The following PARD3B variants were observed in gnomAD, a reference collection of about 807,000 sequenced individuals.
PARD3B encodes par-3 family cell polarity regulator beta.
In PARD3B, 103 loss-of-function variants were observed where a neutral mutation model predicts 130.2. The ratio of observed to expected loss-of-function variants is 0.79; its 90% CI spans 0.67 to 0.93. The LOEUF is 0.93. Ranked by LOEUF, PARD3B falls within the 40% of genes least tolerant of loss-of-function variation. The pLI, the probability that PARD3B is intolerant of heterozygous loss-of-function variation, is 0.00. For missense variants in PARD3B, 1,609 were observed against 1,499.2 expected (o/e 1.07, Z -1.21); for synonymous variants, 583 against 553.2 (o/e 1.05, Z -0.76).
chr2:204,977,642 C>T (rs1469279888), intron 3 of PARD3B, among the ~76,000 whole-genome samples: 3 of 151,604 alleles, frequency 2.0e-5, no homozygotes, highest in Middle Eastern at 3.4e-3. Flanking sequence ...ACCCCGTCTC[C>T]GCTAAAAATA....
At chr2:204,560,919 G>A (rs1249663487) in intron 1 of PARD3B, among the ~76,000 whole-genome samples, 5 of 152,066 alleles carry the variant, frequency 3.3e-5, no homozygotes, top group African/African-American at 1.2e-4. Flanking sequence ...AGGGGGCAAA[G>A]TAATTAGGCT....
At chr2:204,602,588 C>A (rs1275223161) in intron 1 of PARD3B, among the ~76,000 whole-genome samples, 1 of 151,828 alleles carries the variant, frequency 6.6e-6, no homozygotes, top group African/African-American at 2.4e-5. Flanking sequence ...GGCCCGTTAC[C>A]TTTTTCCATT....
At chr2:204,594,672 A>G (rs1405305891) in intron 1 of PARD3B, among the ~76,000 whole-genome samples, 4 of 152,208 alleles carry the variant, frequency 2.6e-5, no homozygotes, top group South Asian at 4.1e-4. Flanking sequence ...TCCTGTGACT[A>G]TGCTTCTGAA....
chr2:204,630,706 A>G (rs897439501), intron 1 of PARD3B, among the ~76,000 whole-genome samples: 1 of 152,022 alleles, frequency 6.6e-6, no homozygotes, highest in African/African-American at 2.4e-5. Context: ...TAATATCTTA[A>G]TGTGTTAGAC....
At chr2:204,941,836 G>A (rs1688929011) in intron 2 of PARD3B, among the ~76,000 whole-genome samples, 1 of 69,430 alleles carries the variant, frequency 1.4e-5, no homozygotes, top group Admixed American at 2.3e-4. Context: ...CATTCTGAGT[G>A]TGTGTGTATA....
In PARD3B at chr2:205,125,837, C is replaced by A. The variant is rs2031325798; in HGVS notation, c.1434+100C>A. The A allele has an allele frequency of 2.1e-6, 3 of 1,449,572 alleles. No individual in the cohort carries two copies. In the Admixed American group the frequency reaches 6.4e-5, roughly 31 times the overall value. 89.8% of individuals were successfully genotyped at this position (1,449,572 alleles called of 1,614,324 possible). On this transcript the variant is annotated intron_variant, in intron 10 of 22. Transcript: ENST00000406610. The surrounding 1 kb of genome is among the most constrained non-coding windows in gnomAD (Gnocchi z 4.0). Reference sequence around the variant, plus strand: ...GAAACGAGTTCTAAATCACAGGCTTCATTCATAACCAAAATTGAATCACAC... The same window carrying A: ...GAAACGAGTTCTAAATCACAGGCTTAATTCATAACCAAAATTGAATCACAC...
chr2:204,613,577 A>G (rs1331019882), intron 1 of PARD3B, among the ~76,000 whole-genome samples: 1 of 150,858 alleles, frequency 6.6e-6, no homozygotes, highest in Non-Finnish European at 1.5e-5. Context: ...CACTCTTCTA[A>G]TTTTCTTTTT....
Position 204,606,567 on chromosome 2 carries a change from G to A in PARD3B, c.120+60448G>A, listed in dbSNP as rs992347286. On this transcript the variant is annotated intron_variant, in intron 1 of 22. Transcript: ENST00000406610. The surrounding 1 kb of genome is among the most constrained non-coding windows in gnomAD (Gnocchi z 4.0). ...TCACATTTCGTTGGCCACTTACATG[G>A]TCACACTGAAGTTCTTGTAGGTGGA... Among the ~76,000 whole-genome samples the A allele has an allele frequency of 2.0e-5, 3 of 152,150 alleles. No individual in the cohort carries two copies. The highest frequency in any genetic ancestry group is 6.6e-5 in the Admixed American group (1 of 15,262).
intron 2 of PARD3B, among the ~76,000 whole-genome samples, chr2:204,808,139 C>T (rs1022793849): frequency 4.6e-5 from 7 of 151,850 alleles, no homozygotes; most frequent in Admixed American, 1.3e-4. Flanking sequence ...AGATTATATT[C>T]GATATTTCTA....
rs1330316526 is a variant in PARD3B, at chr2:205,397,313, A to G, written c.2631-3700A>G. Among the ~76,000 whole-genome samples the G allele has an allele frequency of 6.6e-6, 1 of 152,254 alleles. No individual in the cohort carries two copies. The highest frequency in any genetic ancestry group is 1.5e-5 in the Non-Finnish European group (1 of 68,046). On this transcript the variant is annotated intron_variant, in intron 18 of 22. Transcript: ENST00000406610. This position sits in a 1 kb window ranked among gnomAD's most constrained non-coding sequence, Gnocchi z 4.8. ...TTATTGGAAACTTGAATCGAGGATC[A>G]TGAACTTTAAATCAAAGCATTTATA...
chr2:205,537,573 G>A (rs2051919061), intron 21 of PARD3B, among the ~76,000 whole-genome samples: 1 of 152,100 alleles, frequency 6.6e-6, no homozygotes, highest in Admixed American at 6.6e-5. Flanking sequence ...CAGTCGGCAG[G>A]GCTAAATCTG....
At chr2:204,986,061 A>G (rs1011397613) in intron 3 of PARD3B, among the ~76,000 whole-genome samples, 1 of 123,656 alleles carries the variant, frequency 8.1e-6, no homozygotes, top group African/African-American at 3.0e-5. Flanking sequence ...AGATAGTGCC[A>G]TTGCATTCCA....
At chr2:204,841,704 A>G (rs959488332) in intron 2 of PARD3B, among the ~76,000 whole-genome samples, 2 of 152,124 alleles carry the variant, frequency 1.3e-5, no homozygotes, top group Non-Finnish European at 2.9e-5. Flanking sequence ...GGTGAAAATA[A>G]TATTCTCTTT....
At chr2:204,944,561 A>G (rs189649422) in intron 2 of PARD3B, among the ~76,000 whole-genome samples, 15 of 152,380 alleles carry the variant, frequency 9.8e-5, no homozygotes, top group Admixed American at 9.8e-4. Context: ...CATGTGGTCA[A>G]GGCAAGGCGC....
chr2:204,719,644 T>G (rs934916685), intron 2 of PARD3B, among the ~76,000 whole-genome samples: 1 of 152,224 alleles, frequency 6.6e-6, no homozygotes, highest in Non-Finnish European at 1.5e-5. Flanking sequence ...TGAAATATTT[T>G]AATGTATTAT....
intron 20 of PARD3B, among the ~76,000 whole-genome samples, chr2:205,449,490 C>G (rs989218297): frequency 1.1e-4 from 16 of 152,146 alleles, no homozygotes; most frequent in Non-Finnish European, 2.2e-4. Context: ...CTAGGCCTCC[C>G]AAAGCGCTGG....
At chr2:204,786,906 G>T (rs16836627) in intron 2 of PARD3B, among the ~76,000 whole-genome samples, 1,782 of 151,696 alleles carry the variant, frequency 0.012, 26 homozygotes, top group African/African-American at 0.041. Context: ...AAACTAAAAA[G>T]CATTTGCCAG....
At chr2:205,101,801 A>G (rs545420410) in intron 4 of PARD3B, among the ~76,000 whole-genome samples, 2 of 152,340 alleles carry the variant, frequency 1.3e-5, no homozygotes, top group East Asian at 1.9e-4. Flanking sequence ...TGTTTATATG[A>G]AATGTCTACA....
At chr2:205,519,015 A>ACATT (rs1448773673) in intron 21 of PARD3B, among the ~76,000 whole-genome samples, 2 of 152,064 alleles carry the variant, frequency 1.3e-5, no homozygotes, top group Admixed American at 6.6e-5. Flanking sequence ...GCTGCTTTTA[A>ACATT]CATTCTTTCT....
Sources: gnomAD v4.1 joint callset for allele counts (sites outside exome capture counted in the v4.1 genomes callset) on GRCh38, gnomAD v4.1.1 for gene constraint, Gnocchi (gnomAD v3.1) non-coding constraint, MANE v1.5 for transcripts, NCBI Gene and HGNC (gene_info 2026-07-23, HGNC 2026-07-21) for gene names.